Variants in MAP3K5 observed in about 807,000 individuals in gnomAD.
MAP3K5 encodes mitogen-activated protein kinase kinase kinase 5.
In MAP3K5, 56 loss-of-function variants were observed where a neutral mutation model predicts 158.7. The ratio of observed to expected loss-of-function variants is 0.35; its 90% CI spans 0.28 to 0.44. The LOEUF is 0.44. Ranked by LOEUF, MAP3K5 falls within the 20% of genes least tolerant of loss-of-function variation. The pLI, the probability that MAP3K5 is intolerant of heterozygous loss-of-function variation, is 1.00. For missense variants in MAP3K5, 1,294 were observed against 1,674.8 expected (o/e 0.77, Z 3.97); for synonymous variants, 579 against 601.7 (o/e 0.96, Z 0.55).
chr6:136,711,663 CA>C (rs778428048), intron 2 of MAP3K5, among the ~76,000 whole-genome samples: 20 of 113,222 alleles, frequency 1.8e-4, no homozygotes, highest in Admixed American at 5.4e-4. Context: ...TCAGACCTCT[CA>C]AAAAAAAAAA....
intron 1 of MAP3K5, among the ~76,000 whole-genome samples, chr6:136,723,831 T>C (rs940705561): frequency 2.6e-5 from 4 of 152,186 alleles, no homozygotes; most frequent in African/African-American, 9.6e-5. Context: ...GAAGTTTTTT[T>C]TCCCCCCTCA....
At chr6:136,741,000 A>G (rs1279972686) in intron 1 of MAP3K5, among the ~76,000 whole-genome samples, 1 of 152,146 alleles carries the variant, frequency 6.6e-6, no homozygotes, top group Non-Finnish European at 1.5e-5. Flanking sequence ...TGAATTCCCA[A>G]TAGTTCTCAC....
chr6:136,693,038 A>AT (rs1780457825), intron 7 of MAP3K5, among the ~76,000 whole-genome samples: 1 of 152,124 alleles, frequency 6.6e-6, no homozygotes, highest in Admixed American at 6.5e-5. Flanking sequence ...TTTCTAAAGT[A>AT]TTTTTTCATA....
intron 14 of MAP3K5, among the ~76,000 whole-genome samples, chr6:136,623,984 AG>A (rs2129096934): frequency 6.6e-6 from 1 of 152,306 alleles, no homozygotes; most frequent in South Asian, 2.1e-4. Context: ...ACCTGAGGTC[AG>A]GAGTTTGAGA....
chr6:136,719,157 G>C (rs1028566), intron 2 of MAP3K5, among the ~76,000 whole-genome samples: 76,578 of 151,984 alleles, frequency 0.5, 19,487 homozygotes, highest in African/African-American at 0.56. Flanking sequence ...GCCTGGGTGA[G>C]AGAGCGAGAT....
At chr6:136,710,671 G>C (rs1365436233) in intron 2 of MAP3K5, among the ~76,000 whole-genome samples, 4 of 152,110 alleles carry the variant, frequency 2.6e-5, no homozygotes, top group African/African-American at 9.7e-5. Context: ...GGAATAGCAG[G>C]CATGGGGTGG....
At chr6:136,668,625 C>G (rs1176830670) in intron 8 of MAP3K5, among the ~76,000 whole-genome samples, 1 of 152,030 alleles carries the variant, frequency 6.6e-6, no homozygotes, top group Non-Finnish European at 1.5e-5. Flanking sequence ...TGATCAAAGC[C>G]AAAACCAAGA....
intron 25 of MAP3K5, among the ~76,000 whole-genome samples, chr6:136,571,387 GT>G (rs575320157): frequency 6.6e-6 from 1 of 152,146 alleles, no homozygotes; most frequent in South Asian, 2.1e-4. Flanking sequence ...TAATACAGCT[GT>G]AACACTCCCT....
intron 8 of MAP3K5, among the ~76,000 whole-genome samples, chr6:136,664,830 C>A (rs1399259029): frequency 2.0e-5 from 3 of 152,182 alleles, no homozygotes; most frequent in Non-Finnish European, 4.4e-5. Flanking sequence ...ACTTAGAAGG[C>A]TGCAGCATGA....
chr6:136,774,136 C>T (rs1784317443), intron 1 of MAP3K5, among the ~76,000 whole-genome samples: 2 of 152,166 alleles, frequency 1.3e-5, no homozygotes, highest in Non-Finnish European at 1.5e-5. Flanking sequence ...GTTCAAATGT[C>T]ACCTCCTGTC....
At chr6:136,646,467 G>A (rs1562575856) in intron 11 of MAP3K5, among the ~76,000 whole-genome samples, 1 of 152,150 alleles carries the variant, frequency 6.6e-6, no homozygotes, top group Non-Finnish European at 1.5e-5. Context: ...CAAATTGCTG[G>A]AAATAGTACT....
chr6:136,642,036 AAAATAAAATAAAATAAAATAAAAT>A lies in MAP3K5; in HGVS notation c.1838+460_1838+483del, dbSNP rs1777987781. 1.1e-4 allele frequency among the ~76,000 whole-genome samples: 13 copies of A among 115,836 alleles called. 1 individual carries two copies. The highest frequency in any genetic ancestry group is 5.4e-4 in the Admixed American group (6 of 11,070). The allele number at this position is 115,836 out of a possible 152,430, so 76.0% of individuals were successfully genotyped here. On this transcript the variant is annotated intron_variant, in intron 12 of 29. Coordinates refer to ENST00000359015, the MANE Select transcript of MAP3K5 (RefSeq NM_005923.4). Reference sequence around the variant, plus strand: ...AAAATAAATAAAATAAAATAAAAATAAAATAAAATAAAATAAAATAAAATAAAATAAAATAAAATAAAATAAAAT... The same window carrying A: ...AAAATAAATAAAATAAAATAAAAATAAAAATAAAATAAAATAAAATAAAAT...
In MAP3K5 at chr6:136,694,172, C is replaced by T. The variant is rs145409110; in HGVS notation, c.1221G>A (p.Thr407=). 2.4e-4 allele frequency: 393 copies of T among 1,613,042 alleles called. 1 individual carries two copies. The highest frequency in any genetic ancestry group is 1.3e-3 in the Middle Eastern group (8 of 6,072). Residue 407 remains threonine (T), a synonymous_variant, in exon 7 of 30, where the codon ACG becomes ACA. Transcript: ENST00000359015. ...YKDMFLDSNF[T]DTESRDHGAS... The stretch of plus-strand genomic sequence containing the variant: ...CTCCATGGTCTCTGCTTTCAGTGTC[C>T]GTGAAATTAGAGTCCAAAAACATAT...
chr6:136,703,564 G>C (rs1780943776), intron 3 of MAP3K5, among the ~76,000 whole-genome samples: 1 of 152,154 alleles, frequency 6.6e-6, no homozygotes, highest in African/African-American at 2.4e-5. Flanking sequence ...TGTCCAATCA[G>C]TATTTGTTTA....
intron 13 of MAP3K5, among the ~76,000 whole-genome samples, chr6:136,638,622 T>A (rs1777764096): frequency 6.6e-6 from 1 of 152,180 alleles, no homozygotes; most frequent in South Asian, 2.1e-4. Context: ...AAGTAGAGAA[T>A]TAGTCCATAC....
chr6:136,592,531 C>A lies in MAP3K5; in HGVS notation c.2962G>T (p.Asp988Tyr). The change falls in exon 22 of 30, where the codon GAC becomes TAC. Residue 988 changes from aspartate to tyrosine, a missense_variant. By Grantham distance (160) the Asp-to-Tyr change is radical. Transcript: ENST00000359015. ...AAGGGGTCCACTTTCAACTCCGTGT[C>A]GGGTGAAACTGAGCCGTACTCACTG... Reference protein sequence around the residue: ...SSSEYGSVSPDTELKVDPFSF... With the variant: ...SSSEYGSVSPYTELKVDPFSF... The A allele has an allele frequency of 6.2e-7, 1 of 1,613,906 alleles. No homozygotes were observed. The highest frequency in any genetic ancestry group is 1.1e-5 in the South Asian group (1 of 91,048).
At chr6:136,748,424 C>T (rs1783055256) in intron 1 of MAP3K5, among the ~76,000 whole-genome samples, 1 of 152,118 alleles carries the variant, frequency 6.6e-6, no homozygotes, top group Admixed American at 6.5e-5. Flanking sequence ...AAATTGCAAC[C>T]TCAGTCATAA....
intron 25 of MAP3K5, among the ~76,000 whole-genome samples, chr6:136,569,486 T>C (rs1358719353): frequency 6.6e-6 from 1 of 152,224 alleles, no homozygotes; most frequent in Non-Finnish European, 1.5e-5. Flanking sequence ...CTTCAACTCT[T>C]CAGTCAAAGC....
At chr6:136,605,177 T>C (rs1343665824) in intron 19 of MAP3K5, 32 bp downstream of exon 19, 3 of 1,603,564 alleles carry the variant, frequency 1.9e-6, no homozygotes, top group Non-Finnish European at 2.6e-6. Context: ...AAAAGCTTTA[T>C]CCATTTGTTT....
Sources: allele counts gnomAD v4.1 joint callset (sites outside exome capture counted in the v4.1 genomes callset), GRCh38; gene constraint gnomAD v4.1.1; transcripts MANE v1.5; gene names NCBI Gene and HGNC (gene_info 2026-07-23, HGNC 2026-07-21).